The following CPNE4 variants were observed in gnomAD, a reference collection of about 807,000 sequenced individuals.
The protein encoded by CPNE4 is copine 4.
In CPNE4, 25 loss-of-function variants were observed where a neutral mutation model predicts 67.9. The observed-to-expected ratio is 0.37, with a 90% CI of 0.27 to 0.51. CPNE4 has a LOEUF of 0.51. CPNE4 is among the 20% of genes least tolerant of loss of function. CPNE4 has a pLI of 0.93. For synonymous variants in CPNE4, 242 were observed against 244.9 expected (o/e 0.99, Z 0.11); for missense variants, 464 against 690.8 (o/e 0.67, Z 3.68).
intron 7 of CPNE4, among the ~76,000 whole-genome samples, chr3:131,635,781 T>C (rs62283178): frequency 6.7e-4 from 102 of 152,234 alleles, no homozygotes; most frequent in Admixed American, 3.9e-3. Flanking sequence ...GCATAGACAG[T>C]GCAGTGTATG....
chr3:131,838,829 GTA>G (rs147869766), intron 2 of CPNE4, among the ~76,000 whole-genome samples: 1,904 of 150,338 alleles, frequency 0.013, 38 homozygotes, highest in African/African-American at 0.043. Flanking sequence ...GAATATGTGT[GTA>G]TATATATATA....
intron 2 of CPNE4, among the ~76,000 whole-genome samples, chr3:131,833,013 C>G (rs2085432869): frequency 6.6e-6 from 1 of 151,962 alleles, no homozygotes; most frequent in Non-Finnish European, 1.5e-5. Context: ...AGAGCAGAGC[C>G]CTCATGAGTA....
In CPNE4 at chr3:131,829,914, C is replaced by A. The variant is rs189991978; in HGVS notation, c.180+75350G>T. ...TTTAGAGATGAAAATTAACAAGATCCTATGTTTATACAAATACACACATAC... is the reference window on the plus strand; with the variant it reads ...TTTAGAGATGAAAATTAACAAGATCATATGTTTATACAAATACACACATAC... On this transcript the variant is annotated intron_variant, in intron 2 of 15. Coordinates refer to ENST00000429747, the MANE Select transcript of CPNE4 (RefSeq NM_130808.3). 1.2e-3 allele frequency among the ~76,000 whole-genome samples: 187 copies of A among 152,256 alleles called. 2 individuals are homozygous for A. The highest frequency in any genetic ancestry group is 2.0e-3 in the Non-Finnish European group (138 of 68,018).
At chr3:131,853,625 G>C (rs2086323856) in intron 2 of CPNE4, among the ~76,000 whole-genome samples, 1 of 151,766 alleles carries the variant, frequency 6.6e-6, no homozygotes, top group African/African-American at 2.4e-5. Flanking sequence ...ATTAGAAAAT[G>C]AAAAGGCAGG....
chr3:131,620,533 A>G (rs1940406932), intron 7 of CPNE4: 1 of 860,734 alleles, frequency 1.2e-6, no homozygotes, highest in Non-Finnish European at 1.4e-6. Flanking sequence ...AAGTATGTCC[A>G]TACCCTTATC....
chr3:131,652,598 A>T (rs1005679934), intron 7 of CPNE4, among the ~76,000 whole-genome samples: 5 of 151,688 alleles, frequency 3.3e-5, no homozygotes, highest in Non-Finnish European at 4.4e-5. Context: ...AAGCCAATTT[A>T]AAAAAAATAA....
At chr3:131,696,674 C>T in intron 4 of CPNE4, 58 bp from the exon 5 acceptor site, 1 of 1,499,498 alleles carries the variant, frequency 6.7e-7, no homozygotes, top group Non-Finnish European at 9.2e-7. Context: ...GCTCCAGAAC[C>T]CATGAGCAAA....
Position 131,723,622 on chromosome 3 carries a change from C to T in CPNE4, c.184G>A (p.Asp62Asn), listed in dbSNP as rs758734646. ...MQSHGQWFEV[D>N]RTEVIRTCIN... ...CAGGTGCGAATCACCTCAGTCCTGTCAACCTGCAAGGAGAAAGAGAAAACC... is the reference window on the plus strand; with the variant it reads ...CAGGTGCGAATCACCTCAGTCCTGTTAACCTGCAAGGAGAAAGAGAAAACC... Residue 62 changes from aspartate to asparagine, a missense_variant, in exon 3 of 16, where the codon GAC (aspartate) becomes AAC (asparagine). Coordinates refer to ENST00000429747, the MANE Select transcript of CPNE4 (RefSeq NM_130808.3). The T allele has an allele frequency of 6.2e-7, 1 of 1,611,218 alleles. No homozygotes were observed. The highest frequency in any genetic ancestry group is 1.1e-5 in the South Asian group (1 of 90,724).
chr3:131,909,370 A>G (rs1016523531), intron 1 of CPNE4, among the ~76,000 whole-genome samples: 1 of 152,158 alleles, frequency 6.6e-6, no homozygotes, highest in African/African-American at 2.4e-5. Context: ...TATAAAAGAT[A>G]GTCACATGTT....
intron 3 of CPNE4, 111 bp from the exon 4 acceptor site, chr3:131,700,091 T>A: frequency 3.7e-6 from 2 of 542,464 alleles, no homozygotes; most frequent in South Asian, 2.4e-5. Context: ...AAACTCTGCA[T>A]TCACGTTTGT....
intron 4 of CPNE4, among the ~76,000 whole-genome samples, chr3:131,698,801 T>C (rs922117872): frequency 4.6e-5 from 7 of 150,604 alleles, no homozygotes; most frequent in African/African-American, 1.7e-4. Context: ...TCCCAGCTAC[T>C]TGGGAGGCTG....
At chr3:131,613,747 G>C (rs547538248) in intron 7 of CPNE4, among the ~76,000 whole-genome samples, 50 of 152,226 alleles carry the variant, frequency 3.3e-4, no homozygotes, top group African/African-American at 1.2e-3. Context: ...CCTCATCACT[G>C]CTAAACAGAC....
chr3:132,025,372 T>C (rs1473137265), intron 1 of CPNE4, among the ~76,000 whole-genome samples: 1 of 152,132 alleles, frequency 6.6e-6, no homozygotes, highest in Non-Finnish European at 1.5e-5. Flanking sequence ...GCTGGAACCA[T>C]TAGAAACAGA....
rs550726378 is a variant in CPNE4, at chr3:131,778,101, A to C, written c.181-54476T>G. ...GGTCTTGCCCTTGTCCTCCAAGATTAGCATTCGACTCTGAACTCCAACATC... is the reference window on the plus strand; with the variant it reads ...GGTCTTGCCCTTGTCCTCCAAGATTCGCATTCGACTCTGAACTCCAACATC... On this transcript the variant is annotated intron_variant, in intron 2 of 15. Transcript: ENST00000429747. Among the ~76,000 whole-genome samples the C allele has an allele frequency of 2.0e-5, 3 of 152,234 alleles. No individual in the cohort carries two copies. The East Asian group carries it at 5.8e-4, about 29-fold the overall frequency.
At chr3:131,861,519 C>A (rs2086683143) in intron 2 of CPNE4, among the ~76,000 whole-genome samples, 1 of 151,966 alleles carries the variant, frequency 6.6e-6, no homozygotes, top group Non-Finnish European at 1.5e-5. Context: ...TAACCTCCCC[C>A]TCCCGGGTTC....
intron 2 of CPNE4, among the ~76,000 whole-genome samples, chr3:131,842,920 C>A (rs907013942): frequency 1.3e-5 from 2 of 152,070 alleles, no homozygotes; most frequent in African/African-American, 4.8e-5. Flanking sequence ...ACCCATAAGA[C>A]AAATACGGCA....
At chr3:131,723,996 T>C (rs1277122889) in intron 2 of CPNE4, among the ~76,000 whole-genome samples, 1 of 152,214 alleles carries the variant, frequency 6.6e-6, no homozygotes, top group Admixed American at 6.5e-5. Context: ...ACTGGGTTTA[T>C]GCAGGTGCAT....
At chr3:131,737,094 T>C (rs1015767852) in intron 2 of CPNE4, among the ~76,000 whole-genome samples, 1 of 147,328 alleles carries the variant, frequency 6.8e-6, no homozygotes, top group South Asian at 2.2e-4. Flanking sequence ...ATTCAGTGCC[T>C]CTTTTTATGA....
At chr3:131,996,572 C>G (rs897911564) in intron 1 of CPNE4, among the ~76,000 whole-genome samples, 1 of 151,670 alleles carries the variant, frequency 6.6e-6, no homozygotes, top group African/African-American at 2.4e-5. Context: ...AGCGGAGCAG[C>G]AGTGACGGTA....
Sources: allele counts gnomAD v4.1 joint callset (sites outside exome capture counted in the v4.1 genomes callset), GRCh38; gene constraint gnomAD v4.1.1; transcripts MANE v1.5; gene names NCBI Gene and HGNC (gene_info 2026-07-23, HGNC 2026-07-21).